Variants in SLC9A6 observed in about 807,000 individuals in gnomAD.
SLC9A6 encodes sodium/hydrogen exchanger 6.
A neutral mutation model predicts 45.3 loss-of-function variants in SLC9A6; 6 were observed. The observed-to-expected ratio is 0.13, with a 90% confidence interval of 0.07 to 0.26. The LOEUF is 0.26. Ranked by LOEUF, SLC9A6 falls within the 10% of genes least tolerant of loss-of-function variation. The probability of loss-of-function intolerance (pLI) is 1.00; values close to 1 mark genes in which losing one functional copy is unlikely to be tolerated. For synonymous variants in SLC9A6, 191 were observed against 187.7 expected (o/e 1.02, Z -0.14); for missense variants, 278 against 503.7 (o/e 0.55, Z 4.29).
chrX:136,002,837 C>T (rs2089602179), intron 7 of SLC9A6, among the ~76,000 whole-genome samples: 2 of 111,482 alleles, frequency 1.8e-5, no homozygotes, highest in Non-Finnish European at 3.8e-5. Flanking sequence ...GGATTACAGG[C>T]GTGAGCCACT....
At chrX:135,992,609 GATATGTACTACT>G (rs2089449796) in intron 2 of SLC9A6, among the ~76,000 whole-genome samples, 1 of 111,828 alleles carries the variant, frequency 8.9e-6, no homozygotes, top group African/African-American at 3.3e-5. Context: ...ATCCTTGACT[GATATGTACTACT>G]ATTCCCCTAC....
chrX:136,025,443 A>T (rs1393058302), intron 13 of SLC9A6, among the ~76,000 whole-genome samples: 1 of 112,272 alleles, frequency 8.9e-6, no homozygotes, highest in African/African-American at 3.2e-5. Context: ...CCATTTTTTT[A>T]AATTCTATTA....
At chrX:136,033,725 C>T (rs1187424972) in intron 16 of SLC9A6, among the ~76,000 whole-genome samples, 2 of 111,602 alleles carry the variant, frequency 1.8e-5, no homozygotes, top group African/African-American at 6.5e-5. Context: ...GTAAAGGGAA[C>T]CAAAGCCCAA....
intron 17 of SLC9A6, among the ~76,000 whole-genome samples, chrX:136,044,084 C>A (rs908478335): frequency 8.9e-6 from 1 of 111,741 alleles, no homozygotes; most frequent in South Asian, 3.7e-4. Flanking sequence ...CTAACCTAGT[C>A]CTAGAAGCTC....
intron 7 of SLC9A6, 130 bp from the exon 8 acceptor site, chrX:136,010,312 A>C: frequency 1.5e-6 from 1 of 678,358 alleles, no homozygotes; most frequent in Non-Finnish European, 2.1e-6. Context: ...TTTTGTCCTT[A>C]TTTTGGCAAT....
intron 12 of SLC9A6, among the ~76,000 whole-genome samples, chrX:136,023,171 A>G (rs1295002525): frequency 0.022 from 70 of 3,161 alleles, no homozygotes; most frequent in South Asian, 0.075. Context: ...ATGTATATAT[A>G]TATATATATA....
chrX:136,040,558 C>CATCCCTA (rs1241338287), intron 17 of SLC9A6, among the ~76,000 whole-genome samples: 1 of 111,784 alleles, frequency 8.9e-6, no homozygotes, highest in Non-Finnish European at 1.9e-5. Context: ...GATTTTAAAA[C>CATCCCTA]AATTTTGACA....
intron 17 of SLC9A6, among the ~76,000 whole-genome samples, chrX:136,043,750 A>G (rs781810555): frequency 8.0e-5 from 9 of 112,414 alleles, no homozygotes; most frequent in Non-Finnish European, 1.7e-4. Flanking sequence ...ATATGGGACT[A>G]TGTATTCCTG....
At chrX:135,988,473 T>TTTCTTTTC (rs2089375482) in intron 2 of SLC9A6, among the ~76,000 whole-genome samples, 1 of 106,880 alleles carries the variant, frequency 9.4e-6, no homozygotes, top group African/African-American at 3.5e-5. Flanking sequence ...TCTTTCTTTC[T>TTTCTTTTC]TTTCTTTCTT....
At chrX:136,010,613 G>A (rs374975410) in intron 8 of SLC9A6, 30 bp downstream of exon 8, 2 of 1,168,339 alleles carry the variant, frequency 1.7e-6, no homozygotes, top group Non-Finnish European at 2.3e-6. Flanking sequence ...ATCTTTTCTT[G>A]TTAACATAAT....
At chrX:136,016,501 A>G in intron 10 of SLC9A6, 144 bp from the exon 11 acceptor site, 1 of 420,728 alleles carries the variant, frequency 2.4e-6, no homozygotes, top group Non-Finnish European at 4.1e-6. Context: ...TCGTCTCCAC[A>G]TTTGCTCCCT....
intron 13 of SLC9A6, among the ~76,000 whole-genome samples, chrX:136,027,293 G>A (rs2071245357): frequency 9.0e-6 from 1 of 111,388 alleles, no homozygotes; most frequent in African/African-American, 3.3e-5. Flanking sequence ...TTCTTTGAGA[G>A]GTTATGTTTG....
intron 7 of SLC9A6, chrX:136,010,198 T>C: frequency 2.6e-6 from 1 of 392,082 alleles, no homozygotes. Flanking sequence ...GGTGCAATTT[T>C]CATATAGAGG....
At chrX:135,982,238 C>G (rs1556614178), upstream of SLC9A6, among the ~76,000 whole-genome samples, 2 of 110,148 alleles carry the variant, frequency 1.8e-5, no homozygotes, top group African/African-American at 6.6e-5. Flanking sequence ...CAGACAATTC[C>G]TTTGAGAAGC....
chrX:136,044,878 G>T lies in SLC9A6; in HGVS notation c.*154G>T. The T allele has an allele frequency of 2.0e-6, 1 of 497,059 alleles. No individual in the cohort carries two copies. 41.0% of individuals were successfully genotyped at this position (497,059 alleles called of 1,213,427 possible). ...GAAAGAATATAAATATCCTGTACAC[G>T]GCAGATTGTGAACAAACTATATTCC... On this transcript the variant is annotated 3_prime_UTR_variant, in exon 18 of 18. Transcript: ENST00000630721.
chrX:136,012,937 TA>T lies in SLC9A6; in HGVS notation c.886-10del. 1 of 1,166,495 alleles carries T rather than the reference TA, an allele frequency of 8.6e-7. No individual in the cohort carries two copies. Among genetic ancestry groups the T allele is most frequent in the Non-Finnish European group, 1.2e-6 (1 of 853,806 alleles). On this transcript the variant is annotated splice_polypyrimidine_tract_variant and intron_variant, in intron 8 of 17. Coordinates refer to ENST00000630721, the MANE Select transcript of SLC9A6 (RefSeq NM_001379110.1). ...TGTTACAAGATCTCATTACTAGCCTTAACAGTCTTACGTGACAAAGTTCACC... is the reference window on the plus strand; with the variant it reads ...TGTTACAAGATCTCATTACTAGCCTTACAGTCTTACGTGACAAAGTTCACC...
chrX:135,985,510 G>A, intron 1 of SLC9A6, 33 bp downstream of exon 1: 2 of 1,103,296 alleles, frequency 1.8e-6, no homozygotes, highest in Non-Finnish European at 1.2e-6. Flanking sequence ...GACATGGCTC[G>A]GCGCGGCTGG....
intron 4 of SLC9A6, 36 bp downstream of exon 4, chrX:135,998,221 C>G: frequency 1.2e-6 from 1 of 858,006 alleles, no homozygotes; most frequent in Non-Finnish European, 1.7e-6. Flanking sequence ...TTTGAATAAT[C>G]TTAAACTCAG....
upstream of SLC9A6, among the ~76,000 whole-genome samples, chrX:135,981,760 G>A (rs1248577570): frequency 8.9e-6 from 1 of 112,345 alleles, no homozygotes; most frequent in East Asian, 2.8e-4. Context: ...TAAGGAGCCA[G>A]AGCCAAAAGC....
Sources: gnomAD v4.1 joint callset for allele counts (sites outside exome capture counted in the v4.1 genomes callset) on GRCh38, gnomAD v4.1.1 for gene constraint, MANE v1.5 for transcripts, NCBI Gene and HGNC (gene_info 2026-07-23, HGNC 2026-07-21) for gene names.